The following IL1RAPL2 variants were observed in gnomAD, a reference collection of about 807,000 sequenced individuals.
The protein encoded by IL1RAPL2 is interleukin 1 receptor accessory protein like 2, also known as X-linked interleukin-1 receptor accessory protein-like 2.
A neutral mutation model predicts 44.1 loss-of-function variants in IL1RAPL2; 3 were observed. The observed-to-expected ratio is 0.07, with a 90% CI of 0.03 to 0.18. The LOEUF is 0.18. IL1RAPL2 is among the 10% of genes least tolerant of loss of function. IL1RAPL2 has a pLI of 1.00. For synonymous variants in IL1RAPL2, 181 were observed against 178.8 expected, an observed-to-expected ratio of 1.01 and a Z score of -0.10; for missense variants, 391 against 496.4, an observed-to-expected ratio of 0.79 and a Z score of 2.02.
At chrX:104,828,705 A>C (rs921566828) in intron 2 of IL1RAPL2, among the ~76,000 whole-genome samples, 4 of 112,329 alleles carry the variant, frequency 3.6e-5, no homozygotes, top group African/African-American at 1.3e-4. Context: ...AGGAATGTTT[A>C]AGTCTGCTGA....
chrX:105,211,065 A>G (rs1363121507), intron 3 of IL1RAPL2, among the ~76,000 whole-genome samples: 2 of 109,931 alleles, frequency 1.8e-5, no homozygotes, highest in Non-Finnish European at 3.8e-5. Flanking sequence ...CCACTGGGAT[A>G]TGTTTCTGTT....
chrX:105,766,832 A>G, intron 10 of IL1RAPL2, 132 bp from the exon 11 acceptor site: 2 of 446,602 alleles, frequency 4.5e-6, no homozygotes, highest in Non-Finnish European at 7.7e-6. Context: ...AGGGGAATGT[A>G]CCATACAAGA....
intron 2 of IL1RAPL2, among the ~76,000 whole-genome samples, chrX:104,743,560 T>G (rs1932128806): frequency 9.0e-6 from 1 of 111,201 alleles, no homozygotes; most frequent in Admixed American, 9.6e-5. Context: ...TGTAAAATTT[T>G]AGGACTGCAG....
intron 1 of IL1RAPL2, among the ~76,000 whole-genome samples, chrX:104,655,708 C>T (rs1331046417): frequency 2.7e-5 from 3 of 111,576 alleles, no homozygotes; most frequent in African/African-American, 6.5e-5. Context: ...GGGAGGATTC[C>T]CTCTTTTTCT....
At chrX:105,198,263 C>G in intron 3 of IL1RAPL2, among the ~76,000 whole-genome samples, 1 of 111,301 alleles carries the variant, frequency 9.0e-6, no homozygotes. Context: ...GGTATATACC[C>G]AATAATGAGA....
intron 9 of IL1RAPL2, among the ~76,000 whole-genome samples, chrX:105,752,019 A>C (rs2038601058): frequency 8.9e-6 from 1 of 112,347 alleles, no homozygotes; most frequent in Admixed American, 9.4e-5. Context: ...AAATCCATCC[A>C]ACAAACTTTA....
At chrX:105,433,171 AAT>A (rs1463332180) in intron 5 of IL1RAPL2, among the ~76,000 whole-genome samples, 1 of 111,070 alleles carries the variant, frequency 9.0e-6, no homozygotes, top group Non-Finnish European at 1.9e-5. Flanking sequence ...TATTGAGCAC[AAT>A]ATAGTGACTA....
chrX:105,731,616 G>T (rs1330307663), intron 7 of IL1RAPL2, among the ~76,000 whole-genome samples: 1 of 110,899 alleles, frequency 9.0e-6, no homozygotes, highest in African/African-American at 3.3e-5. Context: ...TTGCACAGTG[G>T]AATCCTATTC....
intron 1 of IL1RAPL2, among the ~76,000 whole-genome samples, chrX:104,570,578 A>C (rs7064742): frequency 0.16 from 17,984 of 111,342 alleles, 3,633 homozygotes; most frequent in African/African-American, 0.56. Context: ...ACACATGGAT[A>C]CATCTGGCCA....
chrX:105,336,406 T>C (rs987305006), intron 5 of IL1RAPL2, among the ~76,000 whole-genome samples: 2 of 112,570 alleles, frequency 1.8e-5, no homozygotes, highest in Non-Finnish European at 3.8e-5. Flanking sequence ...AATAAAACTT[T>C]ATTGTATGCC....
At chrX:104,710,090 G>T (rs1931431749) in intron 2 of IL1RAPL2, among the ~76,000 whole-genome samples, 1 of 111,143 alleles carries the variant, frequency 9.0e-6, no homozygotes, top group Non-Finnish European at 1.9e-5. Context: ...TTCTCAAAAG[G>T]TTAAACAGAG....
At chrX:105,672,886 C>A (rs1012634284) in intron 6 of IL1RAPL2, among the ~76,000 whole-genome samples, 1 of 111,311 alleles carries the variant, frequency 9.0e-6, no homozygotes, top group Non-Finnish European at 1.9e-5. Flanking sequence ...CAGATCTTTG[C>A]TGGGCTTTTT....
chrX:104,671,101 T>C (rs1402829566), intron 2 of IL1RAPL2, among the ~76,000 whole-genome samples: 1 of 111,235 alleles, frequency 9.0e-6, no homozygotes, highest in Non-Finnish European at 1.9e-5. Flanking sequence ...TAATAGGTAC[T>C]ATGCTAATTT....
At chrX:105,361,966 G>A (rs1472402186) in intron 5 of IL1RAPL2, among the ~76,000 whole-genome samples, 1 of 111,464 alleles carries the variant, frequency 9.0e-6, no homozygotes, top group South Asian at 3.7e-4. Flanking sequence ...TCTTTTGTAT[G>A]ATACCCATCC....
chrX:105,018,342 C>A (rs920822618), intron 2 of IL1RAPL2, among the ~76,000 whole-genome samples: 2 of 111,123 alleles, frequency 1.8e-5, no homozygotes, highest in African/African-American at 6.5e-5. Flanking sequence ...TATGTGCATT[C>A]CTTCGCTCAG....
chrX:105,754,787 G>T (rs767418498), intron 9 of IL1RAPL2, among the ~76,000 whole-genome samples: 13 of 112,229 alleles, frequency 1.2e-4, no homozygotes, highest in Middle Eastern at 4.6e-3. Context: ...TGCAAACAAG[G>T]TATAGTCTGT....
chrX:104,608,343 G>A (rs916618077), intron 1 of IL1RAPL2, among the ~76,000 whole-genome samples: 15 of 110,145 alleles, frequency 1.4e-4, no homozygotes, highest in African/African-American at 4.3e-4. Context: ...AAAACTGCAC[G>A]TTGTGTCTGC....
At chrX:105,717,054 A>G (rs972050856) in intron 6 of IL1RAPL2, among the ~76,000 whole-genome samples, 3 of 111,851 alleles carry the variant, frequency 2.7e-5, no homozygotes, top group African/African-American at 9.8e-5. Flanking sequence ...AGGGAGGTTA[A>G]GGCTGCAGTG....
intron 6 of IL1RAPL2, among the ~76,000 whole-genome samples, chrX:105,596,179 G>A (rs2037208450): frequency 9.1e-6 from 1 of 110,183 alleles, no homozygotes; most frequent in African/African-American, 3.3e-5. Context: ...AACTTTGGGT[G>A]TAGTTGGTTC....
Sources: gnomAD v4.1 joint callset for allele counts (sites outside exome capture counted in the v4.1 genomes callset) on GRCh38, gnomAD v4.1.1 for gene constraint, MANE v1.5 for transcripts, NCBI Gene and HGNC (gene_info 2026-07-23, HGNC 2026-07-21) for gene names.